The following APAF1 variants were observed in gnomAD, a reference collection of about 807,000 sequenced individuals.
APAF1 encodes apoptotic protease-activating factor 1.
Under a neutral mutation model 152.4 loss-of-function variants are expected in APAF1, and 91 were observed. The observed-to-expected ratio is 0.60, with a 90% confidence interval of 0.50 to 0.71. APAF1 has a LOEUF of 0.71. APAF1 is among the 30% of genes least tolerant of loss of function. APAF1 has a pLI of 0.00. For missense variants in APAF1, 1,283 were observed against 1,472.0 expected, an observed-to-expected ratio of 0.87 and a Z score of 2.10; for synonymous variants, 484 against 494.1, an observed-to-expected ratio of 0.98 and a Z score of 0.27.
intron 5 of APAF1, among the ~76,000 whole-genome samples, chr12:98,660,532 C>G (rs1244801047): frequency 6.6e-6 from 1 of 152,168 alleles, no homozygotes; most frequent in Non-Finnish European, 1.5e-5. Flanking sequence ...GCACTGTTAT[C>G]AAGTGTTTCA....
chr12:98,724,988 A>G (rs560675679), intron 24 of APAF1, among the ~76,000 whole-genome samples: 2 of 152,348 alleles, frequency 1.3e-5, no homozygotes, highest in East Asian at 1.9e-4. Context: ...TTCACTCTCT[A>G]TAATCTCATT....
intron 17 of APAF1, among the ~76,000 whole-genome samples, chr12:98,702,167 G>A (rs1199955433): frequency 6.6e-6 from 1 of 152,062 alleles, no homozygotes; most frequent in Admixed American, 6.5e-5. Flanking sequence ...CTGGGTTCAC[G>A]CCATTCTCCT....
At chr12:98,684,661 G>A (rs2097696106) in intron 15 of APAF1, among the ~76,000 whole-genome samples, 1 of 151,872 alleles carries the variant, frequency 6.6e-6, no homozygotes, top group African/African-American at 2.4e-5. Context: ...GAGTAATGTA[G>A]TAACATAAAA....
rs751620088 is a variant in APAF1 at position 98,712,428 on chromosome 12, C to G, written c.2951C>G (p.Ala984Gly). 1 of 1,567,030 alleles carries G rather than the reference C, an allele frequency of 6.4e-7. No individual in the cohort carries two copies. The highest frequency in any genetic ancestry group is 8.8e-7 in the Non-Finnish European group (1 of 1,137,268). ...QYIAFGDENGAIEILELVNNR... is the reference protein window; with the variant it reads ...QYIAFGDENGGIEILELVNNR... ...ATTGCATTTGGAGATGAAAATGGAG[C>G]CATTGAGGTATTCAGTGCTAGTCTT... The change falls in exon 21 of 27, where the codon GCC becomes GGC. Residue 984 changes from alanine to glycine, a missense_variant. By Grantham distance (60) the Ala-to-Gly change is moderately conservative. Coordinates refer to ENST00000551964, the MANE Select transcript of APAF1 (RefSeq NM_181861.2).
intron 20 of APAF1, 125 bp from the exon 21 acceptor site, chr12:98,712,194 C>A: frequency 1.4e-6 from 1 of 695,670 alleles, no homozygotes; most frequent in Non-Finnish European, 2.6e-6. Flanking sequence ...GCTTGTTGTT[C>A]CCCTGAGAGC....
At chr12:98,659,108 A>C (rs561871021) in intron 4 of APAF1, 52 bp from the exon 5 acceptor site, 86 of 1,537,138 alleles carry the variant, frequency 5.6e-5, no homozygotes, top group Middle Eastern at 1.7e-4. Context: ...AAACCATTTA[A>C]AGGAGTACTC....
intron 12 of APAF1, among the ~76,000 whole-genome samples, chr12:98,673,688 G>T (rs1380598664): frequency 2.0e-5 from 3 of 152,160 alleles, no homozygotes; most frequent in Non-Finnish European, 2.9e-5. Flanking sequence ...TTCAAGAAGC[G>T]TTTGAGTTTC....
Position 98,734,912 on chromosome 12 carries a change from A to T in APAF1, c.*2346A>T. The T allele has an allele frequency of 3.0e-6, 1 of 335,804 alleles. No homozygotes were observed. The highest frequency in any genetic ancestry group is 4.4e-5 in the East Asian group (1 of 22,720). 20.8% of individuals were successfully genotyped at this position (335,804 alleles called of 1,614,324 possible). On this transcript the variant is annotated 3_prime_UTR_variant, in exon 27 of 27. Coordinates refer to ENST00000551964, the MANE Select transcript of APAF1 (RefSeq NM_181861.2). ...ACTGACTGTTATAAAGTATAACAAC[A>T]CACATCAGGTTTTAAAAAGCCTTGA... is the stretch of plus-strand genomic sequence containing the variant.
intron 22 of APAF1, among the ~76,000 whole-genome samples, chr12:98,720,730 CCGAGGCGGGCGGATCA>C (rs775903350): frequency 7.2e-5 from 11 of 152,192 alleles, no homozygotes; most frequent in Non-Finnish European, 1.5e-4. Context: ...CTTTGGGAGG[CCGAGGCGGGCGGATCA>C]CGAGGTCAGG....
At position 98,648,723 on chromosome 12, in the gene APAF1, G is replaced by T. The variant is rs1414974149; in HGVS notation, c.236G>T (p.Gly79Val). 6.2e-7 allele frequency: 1 copy of T among 1,613,838 alleles called. No homozygotes were observed. Among genetic ancestry groups the T allele is most frequent in the East Asian group, 2.2e-5 (1 of 44,854 alleles). Residue 79 changes from glycine (G) to valine (V), a missense_variant, in exon 3 of 27, where the codon GGA becomes GTA. Coordinates refer to ENST00000551964, the MANE Select transcript of APAF1 (RefSeq NM_181861.2). The stretch of plus-strand genomic sequence containing the variant: ...TTCTACAATGCTCTACTACATGAAG[G>T]ATATAAAGATCTTGCTGCCCTTCTC... ...VSFYNALLHEGYKDLAALLHD... is the reference protein window; with the variant it reads ...VSFYNALLHEVYKDLAALLHD...
At chr12:98,656,386 G>A (rs930839946) in intron 4 of APAF1, among the ~76,000 whole-genome samples, 1 of 152,202 alleles carries the variant, frequency 6.6e-6, no homozygotes, top group African/African-American at 2.4e-5. Flanking sequence ...CACTGAAGGA[G>A]GCCTGAGGGG....
chr12:98,654,816 C>CTTTTTT (rs758991431), intron 4 of APAF1, among the ~76,000 whole-genome samples: 5 of 116,784 alleles, frequency 4.3e-5, no homozygotes, highest in Non-Finnish European at 3.5e-5. Context: ...GTAGTATTTT[C>CTTTTTT]TTTTTTTTTT....
chr12:98,723,902 C>T, intron 24 of APAF1, 138 bp downstream of exon 24: 1 of 912,048 alleles, frequency 1.1e-6, no homozygotes. Context: ...GGAGGATGCC[C>T]ATTGGCATTT....
chr12:98,721,023 A>G (rs1045767424), intron 22 of APAF1, among the ~76,000 whole-genome samples: 6 of 152,218 alleles, frequency 3.9e-5, no homozygotes, highest in Non-Finnish European at 8.8e-5. Context: ...TTTTATTCAT[A>G]TAGCTGAAAA....
intron 9 of APAF1, among the ~76,000 whole-genome samples, chr12:98,666,778 T>C (rs1260301247): frequency 1.3e-5 from 2 of 152,198 alleles, no homozygotes; most frequent in Non-Finnish European, 2.9e-5. Flanking sequence ...ATTGAAGTTA[T>C]AGATATTTGG....
At chr12:98,707,196 A>T (rs967143283) in intron 19 of APAF1, among the ~76,000 whole-genome samples, 1 of 152,076 alleles carries the variant, frequency 6.6e-6, no homozygotes, top group African/African-American at 2.4e-5. Context: ...TTCTGCCATT[A>T]AGCTTCTCCA....
At chr12:98,649,366 C>T in intron 3 of APAF1, 121 bp from the exon 4 acceptor site, 1 of 1,352,876 alleles carries the variant, frequency 7.4e-7, no homozygotes, top group Non-Finnish European at 1.0e-6. Flanking sequence ...GCCACATTTT[C>T]TTAACTTCTC....
chr12:98,656,022 A>G (rs1297870154), intron 4 of APAF1, among the ~76,000 whole-genome samples: 1 of 152,026 alleles, frequency 6.6e-6, no homozygotes, highest in East Asian at 1.9e-4. Flanking sequence ...TGACCTTGTG[A>G]TCCGCCCACC....
chr12:98,654,748 A>G (rs565582751), intron 4 of APAF1, among the ~76,000 whole-genome samples: 1 of 152,146 alleles, frequency 6.6e-6, no homozygotes, highest in African/African-American at 2.4e-5. Flanking sequence ...AAAAAAATGG[A>G]AACTTAAGGC....
Sources: allele counts gnomAD v4.1 joint callset (sites outside exome capture counted in the v4.1 genomes callset), GRCh38; gene constraint gnomAD v4.1.1; transcripts MANE v1.5; gene names NCBI Gene and HGNC (gene_info 2026-07-23, HGNC 2026-07-21).